The following ERO1B variants were observed in gnomAD, a reference collection of about 807,000 sequenced individuals.
ERO1B encodes the protein ERO1-like protein beta.
ERO1B carries 49 observed loss-of-function variants against 75.3 expected under a neutral mutation model. The observed-to-expected ratio is 0.65, with a 90% CI of 0.52 to 0.83. ERO1B has a LOEUF of 0.83. Among genes scored for constraint, ERO1B ranks in the 40% least tolerant of loss-of-function variants. ERO1B has a pLI of 0.00. For synonymous variants in ERO1B, 191 were observed against 192.9 expected (o/e 0.99, Z 0.08); for missense variants, 512 against 560.1 (o/e 0.91, Z 0.87).
At chr1:236,242,922 C>T (rs909541654) in intron 6 of ERO1B, among the ~76,000 whole-genome samples, 2 of 152,106 alleles carry the variant, frequency 1.3e-5, no homozygotes, top group Non-Finnish European at 1.5e-5. Context: ...GTGGAGAAGT[C>T]GAATTAGAGT....
intron 14 of ERO1B, 141 bp from the exon 15 acceptor site, chr1:236,221,106 TC>T (rs1640679552): frequency 3.4e-6 from 2 of 590,238 alleles, no homozygotes; most frequent in East Asian, 6.5e-5. Context: ...TACTACAGTT[TC>T]TACTTTCTCA....
intron 1 of ERO1B, among the ~76,000 whole-genome samples, chr1:236,272,989 A>G (rs1665630888): frequency 1.3e-5 from 2 of 152,296 alleles, no homozygotes; most frequent in Admixed American, 1.3e-4. Flanking sequence ...TGATGCATAC[A>G]GTAGACAGAA....
chr1:236,250,409 T>C (rs776578017), intron 4 of ERO1B, among the ~76,000 whole-genome samples: 1 of 151,450 alleles, frequency 6.6e-6, no homozygotes, highest in African/African-American at 2.4e-5. Flanking sequence ...GAGGTAGAGG[T>C]TGAAGTGAGC....
At chr1:236,255,720 CAAAG>C (rs547600251) in intron 2 of ERO1B, among the ~76,000 whole-genome samples, 90 of 152,198 alleles carry the variant, frequency 5.9e-4, no homozygotes, top group African/African-American at 1.9e-3. Context: ...TGTGCATAAA[CAAAG>C]AACCTTAAAA....
chr1:236,269,910 T>C lies in ERO1B; in HGVS notation c.187A>G (p.Lys63Glu). 6.2e-7 allele frequency: 1 copy of C among 1,600,858 alleles called. No homozygotes were observed. The highest frequency in any genetic ancestry group is 8.6e-7 in the Non-Finnish European group (1 of 1,168,030). Residue 63 changes from lysine to glutamate, a missense_variant, in exon 2 of 16, where the codon AAA becomes GAA. By Grantham distance (56) the Lys-to-Glu change is moderately conservative. Transcript: ENST00000354619. ...CGAAAATAGTCTCTCTCTTGCAATT[T>C]TTTTATTTTGGGGAAGATTTTGTAG... The part of the protein sequence containing the change: ...NTYKIFPKIK[K>E]LQERDYFRYY...
chr1:236,238,584 TTAAA>T (rs2102947328), intron 6 of ERO1B, among the ~76,000 whole-genome samples: 1 of 151,170 alleles, frequency 6.6e-6, no homozygotes, highest in Admixed American at 6.6e-5. Flanking sequence ...AAAAAAAATC[TTAAA>T]ATTCAGTATT....
At chr1:236,253,222 T>C (rs1292950873) in intron 3 of ERO1B, among the ~76,000 whole-genome samples, 200 bp downstream of exon 3, 1 of 152,230 alleles carries the variant, frequency 6.6e-6, no homozygotes, top group East Asian at 1.9e-4. Context: ...CCAGTATCAC[T>C]GGATACAAGT....
Position 236,226,991 on chromosome 1 carries a change from C to A in ERO1B, c.713-252G>T, listed in dbSNP as rs374125176. On this transcript the variant is annotated intron_variant, in intron 10 of 15. Transcript: ENST00000354619. The stretch of plus-strand genomic sequence containing the variant: ...CAGAAAAGTTTGAGCAACTAGGGGT[C>A]AAAACACTATGGATAAAGTTGGCAA... Among the ~76,000 whole-genome samples the A allele has an allele frequency of 6.4e-4, 98 of 152,250 alleles. 1 individual carries two copies. The South Asian group carries it at 0.014, about 21-fold the overall frequency.
At chr1:236,281,373 C>T in intron 1 of ERO1B, 1 of 238,232 alleles carries the variant, frequency 4.2e-6, no homozygotes, top group Non-Finnish European at 8.1e-6. Context: ...GTCCCATCTC[C>T]CGCCACACTC....
chr1:236,216,297 A>G lies in ERO1B; in HGVS notation c.*2219T>C, dbSNP rs1027566785. The G allele has an allele frequency of 2.6e-5, 4 of 152,146 alleles. No individual in the cohort carries two copies. Among genetic ancestry groups the G allele is most frequent in the Non-Finnish European group, 5.9e-5 (4 of 67,998 alleles). 9.4% of individuals were successfully genotyped at this position (152,146 alleles called of 1,614,324 possible). A position where few individuals can be genotyped will look rare whatever the true frequency, so the allele number is the denominator to read the frequency against. On this transcript the variant is annotated 3_prime_UTR_variant, in exon 16 of 16. Coordinates refer to ENST00000354619, the MANE Select transcript of ERO1B (RefSeq NM_019891.4). ...AGCAAAGCATTTTTACAATGCAAAC[A>G]GTACTCTAGTATAATATCACTTCAC...
rs1331290982 is a variant in ERO1B, at chr1:236,238,506, C to T, written c.506-2108G>A. On this transcript the variant is annotated intron_variant, in intron 6 of 15. Transcript: ENST00000354619. The stretch of plus-strand genomic sequence containing the variant: ...TGAACTATGATGGCACCACTACACT[C>T]CACCCTGGGCAACAGCCTTTTTTTT... Among the ~76,000 whole-genome samples the T allele has an allele frequency of 2.1e-5, 3 of 145,548 alleles. No homozygotes were observed. In the East Asian group the frequency reaches 6.2e-4, roughly 30 times the overall value.
intron 2 of ERO1B, among the ~76,000 whole-genome samples, chr1:236,266,095 CTCT>C (rs1665428445): frequency 6.6e-6 from 1 of 152,162 alleles, no homozygotes; most frequent in Non-Finnish European, 1.5e-5. Context: ...TTGTTTGTCT[CTCT>C]TATCAGAAAA....
At chr1:236,256,832 C>T (rs12144413) in intron 2 of ERO1B, among the ~76,000 whole-genome samples, 3 of 152,176 alleles carry the variant, frequency 2.0e-5, no homozygotes, top group African/African-American at 7.2e-5. Flanking sequence ...TGAAGCCCTA[C>T]ACTCCTGAGT....
At chr1:236,228,652 A>G (rs1465944010) in intron 10 of ERO1B, among the ~76,000 whole-genome samples, 1 of 152,200 alleles carries the variant, frequency 6.6e-6, no homozygotes, top group Non-Finnish European at 1.5e-5. Context: ...AAGGGGTTGC[A>G]TTTACTGTAA....
chr1:236,242,851 T>C (rs1021886055), intron 6 of ERO1B, among the ~76,000 whole-genome samples: 1 of 152,196 alleles, frequency 6.6e-6, no homozygotes, highest in East Asian at 1.9e-4. Context: ...GAAGTGGTAG[T>C]TACTCTGGTG....
chr1:236,261,812 C>G (rs1289318199), intron 2 of ERO1B, among the ~76,000 whole-genome samples: 1 of 152,136 alleles, frequency 6.6e-6, no homozygotes. Context: ...CAGCTCACAT[C>G]TGTAATCCCA....
chr1:236,246,847 G>C lies in ERO1B; in HGVS notation c.431+3038C>G, dbSNP rs1664897756. On this transcript the variant is annotated intron_variant, in intron 5 of 15. Coordinates refer to ENST00000354619, the MANE Select transcript of ERO1B (RefSeq NM_019891.4). ...AAGTTACATTGACCTTTACACTTAA[G>C]AATTTTCTATTCCACCATATGTGTA... Among the ~76,000 whole-genome samples, 5 of 152,156 alleles carry C rather than the reference G, an allele frequency of 3.3e-5. No individual in the cohort carries two copies. In the South Asian group the frequency reaches 1.0e-3, roughly 32 times the overall value.
At chr1:236,263,027 C>T (rs551013153) in intron 2 of ERO1B, among the ~76,000 whole-genome samples, 1 of 152,230 alleles carries the variant, frequency 6.6e-6, no homozygotes, top group South Asian at 2.1e-4. Context: ...CTTAAGAATT[C>T]CCCACAGGCT....
chr1:236,258,507 T>C (rs528634536), intron 2 of ERO1B, among the ~76,000 whole-genome samples: 40 of 152,224 alleles, frequency 2.6e-4, no homozygotes, highest in Non-Finnish European at 5.0e-4. Flanking sequence ...CGTAAGGAAA[T>C]TTATCACCAC....
Sources: allele counts gnomAD v4.1 joint callset (sites outside exome capture counted in the v4.1 genomes callset), GRCh38; gene constraint gnomAD v4.1.1; transcripts MANE v1.5; gene names NCBI Gene and HGNC (gene_info 2026-07-23, HGNC 2026-07-21).